The following HHATL variants were observed in gnomAD, a reference collection of about 807,000 sequenced individuals.
The protein encoded by HHATL is protein-cysteine N-palmitoyltransferase HHAT-like protein.
A neutral mutation model predicts 59.7 loss-of-function variants in HHATL; 49 were observed. The observed-to-expected ratio is 0.82, with a 90% CI of 0.65 to 1.04. The LOEUF (loss-of-function observed/expected upper bound fraction) is 1.04, where lower values mean the gene tolerates loss of function less well. HHATL is among the 50% of genes least tolerant of loss of function. HHATL has a pLI of 0.00. For synonymous variants in HHATL, 238 were observed against 257.3 expected (o/e 0.93, Z 0.72); for missense variants, 605 against 650.8 (o/e 0.93, Z 0.77).
In HHATL at chr3:42,701,028, C is replaced by T; in HGVS notation, c.-13-189G>A. 1.8e-6 allele frequency: 1 copy of T among 553,900 alleles called. No individual in the cohort carries two copies. Among genetic ancestry groups the T allele is most frequent in the Non-Finnish European group, 3.3e-6 (1 of 306,852 alleles). The allele number at this position is 553,900 out of a possible 1,614,324, so 34.3% of individuals were successfully genotyped here. A position where few individuals can be genotyped will look rare whatever the true frequency, so the allele number is the denominator to read the frequency against. On this transcript the variant is annotated intron_variant, in intron 1 of 11. Transcript: ENST00000441594. The surrounding 1 kb of genome is among the most constrained non-coding windows in gnomAD (Gnocchi z 5.1). ...TCACAGGCCACCGAACACCAGTGCC[C>T]CATCCCAGCTGCTGCTCTTGCCCCC...
rs1031989908 is a variant in HHATL at position 42,701,143 on chromosome 3, A to G, written c.-13-304T>C. ...TTACATCTTCATACCTTCCAGAGGC[A>G]CCGGCCCCACCCTCTGCCAAAACCG... On this transcript the variant is annotated intron_variant, in intron 1 of 11. Coordinates refer to ENST00000441594, the MANE Select transcript of HHATL (RefSeq NM_020707.4). The surrounding 1 kb of genome is among the most constrained non-coding windows in gnomAD (Gnocchi z 5.1). 5.7e-6 allele frequency: 2 copies of G among 348,562 alleles called. No individual in the cohort carries two copies. Among genetic ancestry groups the G allele is most frequent in the Non-Finnish European group, 1.1e-5 (2 of 186,630 alleles). 21.6% of individuals were successfully genotyped at this position (348,562 alleles called of 1,614,324 possible).
At position 42,701,182 on chromosome 3, in the gene HHATL, C is replaced by T. The variant is rs1270752879; in HGVS notation, c.-13-343G>A. On this transcript the variant is annotated intron_variant, in intron 1 of 11. Coordinates refer to ENST00000441594, the MANE Select transcript of HHATL (RefSeq NM_020707.4). The surrounding 1 kb of genome is among the most constrained non-coding windows in gnomAD (Gnocchi z 5.1). ...CTGCCAAAACCGCTCCTGCCAAGGC[C>T]CCCATGACCTGCGTGCGGAGAAACC... 3.8e-6 allele frequency: 1 copy of T among 266,080 alleles called. No homozygotes were observed. The highest frequency in any genetic ancestry group is 7.3e-6 in the Non-Finnish European group (1 of 137,398). 16.5% of individuals were successfully genotyped at this position (266,080 alleles called of 1,614,324 possible).
chr3:42,698,267 A>C lies in HHATL; in HGVS notation c.568T>G (p.Phe190Val), dbSNP rs767896596. The C allele has an allele frequency of 6.2e-7, 1 of 1,614,156 alleles. No homozygotes were observed. Among genetic ancestry groups the C allele is most frequent in the Non-Finnish European group, 8.5e-7 (1 of 1,180,022 alleles). The change falls in exon 6 of 12, where the codon TTT (phenylalanine) becomes GTT (valine). Residue 190 changes from phenylalanine (F) to valine (V), a missense_variant. Coordinates refer to ENST00000441594, the MANE Select transcript of HHATL (RefSeq NM_020707.4). ...GGGTGGGCACAGCTCTCCAGTGCAA[A>C]GCTGGTGCAACGCAGCACTGTGAAG... ...SSFTVLRCTS[F>V]ALESCAHPDR...
In HHATL at chr3:42,693,562, G is replaced by GCC. The variant is rs150364023; in HGVS notation, c.1248+53_1248+54dup. On this transcript the variant is annotated intron_variant, in intron 10 of 11. Transcript: ENST00000441594. ...TTGGACAACTCCAGAAAGCAGCAGT[G>GCC]CCCCCCCGCCCTCTATGACCCAGCC... 31 of 1,457,156 alleles carry GCC rather than the reference G, an allele frequency of 2.1e-5. No individual in the cohort carries two copies. The Middle Eastern group carries it at 6.0e-4, about 28-fold the overall frequency. The allele number at this position is 1,457,156 out of a possible 1,614,324, so 90.3% of individuals were successfully genotyped here.
chr3:42,694,735 G>C (rs1366313978), intron 9 of HHATL, among the ~76,000 whole-genome samples: 3 of 152,004 alleles, frequency 2.0e-5, no homozygotes, highest in Non-Finnish European at 4.4e-5. Context: ...CCCTCTACCT[G>C]GTATTCTCTG....
At position 42,701,846 on chromosome 3, in the gene HHATL, CTT is replaced by C. The variant is rs1348330612; in HGVS notation, c.-14+731_-14+732del. 4.6e-5 allele frequency among the ~76,000 whole-genome samples: 7 copies of C among 152,338 alleles called. No individual in the cohort carries two copies. The East Asian group carries it at 1.2e-3, about 25-fold the overall frequency. On this transcript the variant is annotated intron_variant, in intron 1 of 11. Transcript: ENST00000441594. This position sits in a 1 kb window ranked among gnomAD's most constrained non-coding sequence, Gnocchi z 5.1. ...AAGCAGGGAACATGTCCAGGCAACT[CTT>C]GGGCTGACGGGGCCAAGAGGTGGCT...
intron 5 of HHATL, among the ~76,000 whole-genome samples, 172 bp from the exon 6 acceptor site, chr3:42,698,523 G>T (rs1697759448): frequency 7.4e-6 from 1 of 135,058 alleles, no homozygotes; most frequent in Non-Finnish European, 1.6e-5. Flanking sequence ...GAGGAGCAGG[G>T]GATGATCTGG....
At position 42,693,120 on chromosome 3, in the gene HHATL, G is replaced by A; in HGVS notation, c.1347C>T (p.Ser449=). 1 of 1,614,192 alleles carries A rather than the reference G, an allele frequency of 6.2e-7. No individual in the cohort carries two copies. Among genetic ancestry groups the A allele is most frequent in the Non-Finnish European group, 8.5e-7 (1 of 1,180,026 alleles). Residue 449 remains serine, a synonymous_variant, in exon 11 of 12, where the codon AGC becomes AGT. Coordinates refer to ENST00000441594, the MANE Select transcript of HHATL (RefSeq NM_020707.4). The part of the protein sequence containing the change: ...IIMYNLVSLN[S]LKFTELVARR... ...GGGCAACCAGCTCTGTGAATTTGAG[G>A]CTGTTCAGGCTCACAAGGTTGTACA... is the stretch of plus-strand genomic sequence containing the variant.
chr3:42,693,208 G>A lies in HHATL; in HGVS notation c.1259C>T (p.Ser420Leu), dbSNP rs1437602759. Residue 420 changes from serine to leucine, a missense_variant, in exon 11 of 12, where the codon TCA becomes TTA. Ser to Leu is a moderately radical substitution (Grantham distance 145). Coordinates refer to ENST00000441594, the MANE Select transcript of HHATL (RefSeq NM_020707.4). ...CCGGACCCTACGGGACATCTGCACT[G>A]ACAGAGAGGCCTATCCGGTCCAGGA... ...GPLARIEASL[S>L]VQMSRRVRAL... 1 of 1,614,122 alleles carries A rather than the reference G, an allele frequency of 6.2e-7. No individual in the cohort carries two copies. The highest frequency in any genetic ancestry group is 8.5e-7 in the Non-Finnish European group (1 of 1,180,016).
Position 42,698,780 on chromosome 3 carries a change from C to T in HHATL, c.411G>A (p.Gln137=), listed in dbSNP as rs752601759. ...AGCCAAGGCCAAGACAGAGCCAGGG[C>T]TGGCCCAAAAGCGAGGCCACATAGA... is the stretch of plus-strand genomic sequence containing the variant. The part of the protein sequence containing the change: ...VGLYVASLLG[Q]PWLCLGLGLA... Residue 137 remains glutamine, a synonymous_variant, in exon 5 of 12, where the codon CAG becomes CAA. Coordinates refer to ENST00000441594, the MANE Select transcript of HHATL (RefSeq NM_020707.4). 6.2e-7 allele frequency: 1 copy of T among 1,612,560 alleles called. No individual in the cohort carries two copies. The highest frequency in any genetic ancestry group is 8.5e-7 in the Non-Finnish European group (1 of 1,179,490).
intron 6 of HHATL, 146 bp downstream of exon 6, chr3:42,697,996 G>T: frequency 1.1e-6 from 1 of 876,504 alleles, no homozygotes; most frequent in South Asian, 1.6e-5. Context: ...TGGGGTCTGA[G>T]GAGGGAGGGG....
intron 9 of HHATL, 62 bp downstream of exon 9, chr3:42,696,780 C>T (rs1697629292): frequency 1.9e-6 from 3 of 1,576,696 alleles, no homozygotes; most frequent in Non-Finnish European, 1.7e-6. Context: ...CCCATCTTGG[C>T]ACTGCCCTGC....
chr3:42,696,731 T>C, intron 9 of HHATL, 111 bp downstream of exon 9: 1 of 1,203,354 alleles, frequency 8.3e-7, no homozygotes, highest in Non-Finnish European at 1.2e-6. Flanking sequence ...CTGCCCTCTT[T>C]GCTTCCCCTG....
chr3:42,693,458 C>A (rs1697444325), intron 10 of HHATL, 159 bp downstream of exon 10: 3 of 763,826 alleles, frequency 3.9e-6, no homozygotes, highest in South Asian at 1.8e-5. Context: ...GAGGGAGGGG[C>A]AGATTCCTAC....
rs1266554913 is a variant in HHATL at position 42,693,066 on chromosome 3, C to T, written c.1390+11G>A. 15 of 1,614,002 alleles carry T rather than the reference C, an allele frequency of 9.3e-6. No homozygotes were observed. The highest frequency in any genetic ancestry group is 2.7e-5 in the African/African-American group (2 of 74,928). ...TGGCACCTTCTGTATCCCCACACCC[C>T]TGTCCCTCACCTGTGAGTAGCAGGC... On this transcript the variant is annotated intron_variant, in intron 11 of 11. Coordinates refer to ENST00000441594, the MANE Select transcript of HHATL (RefSeq NM_020707.4).
chr3:42,701,142 C>T lies in HHATL; in HGVS notation c.-13-303G>A, dbSNP rs746292133. The T allele has an allele frequency of 6.0e-5, 21 of 351,474 alleles. No individual in the cohort carries two copies. The highest frequency in any genetic ancestry group is 1.0e-4 in the Non-Finnish European group (19 of 188,318). 21.8% of individuals were successfully genotyped at this position (351,474 alleles called of 1,614,324 possible). On this transcript the variant is annotated intron_variant, in intron 1 of 11. Transcript: ENST00000441594. The surrounding 1 kb of genome is among the most constrained non-coding windows in gnomAD (Gnocchi z 5.1). ...TTTACATCTTCATACCTTCCAGAGGCACCGGCCCCACCCTCTGCCAAAACC... is the reference window on the plus strand; with the variant it reads ...TTTACATCTTCATACCTTCCAGAGGTACCGGCCCCACCCTCTGCCAAAACC...
At position 42,700,094 on chromosome 3, in the gene HHATL, G is replaced by GTA. The variant is rs1191193777; in HGVS notation, c.107-270_107-269insTA. On this transcript the variant is annotated intron_variant, in intron 2 of 11. Coordinates refer to ENST00000441594, the MANE Select transcript of HHATL (RefSeq NM_020707.4). ...GGTCCAGGTCTCTGTGTGTGTGTGT[G>GTA]TGTGTCGGGATGTGTGTGTGTGTAT... is the stretch of plus-strand genomic sequence containing the variant. Among the ~76,000 whole-genome samples the GTA allele has an allele frequency of 4.6e-5, 7 of 151,058 alleles. No individual in the cohort carries two copies. In the South Asian group the frequency reaches 1.5e-3, roughly 32 times the overall value.
At chr3:42,698,466 T>A in intron 5 of HHATL, 115 bp from the exon 6 acceptor site, 1 of 1,062,686 alleles carries the variant, frequency 9.4e-7, no homozygotes, top group Non-Finnish European at 1.4e-6. Context: ...TCCCTTCCTC[T>A]CTTCCAGAGC....
chr3:42,697,547 CG>C lies in HHATL; in HGVS notation c.825del (p.Ser275ArgfsTer17). 1 of 1,613,920 alleles carries C rather than the reference CG, an allele frequency of 6.2e-7. No individual in the cohort carries two copies. Reference protein sequence around the residue: ...FHFFYILTIPSDLKFANRLPD... With the variant: ...FHFFYILTIPXDLKFANRLPD... Reference sequence around the variant, plus strand: ...GGGAGGCGGTTGGCGAACTTGAGGTCGCTGGGGATAGTGAGGATGTAGAAGA... The same window carrying C: ...GGGAGGCGGTTGGCGAACTTGAGGTCCTGGGGATAGTGAGGATGTAGAAGA... On this transcript the variant is annotated frameshift_variant, in exon 7 of 12. Coordinates refer to ENST00000441594, the MANE Select transcript of HHATL (RefSeq NM_020707.4). LOFTEE classifies it high-confidence loss of function.
Sources: gnomAD v4.1 joint callset for allele counts (sites outside exome capture counted in the v4.1 genomes callset) on GRCh38, gnomAD v4.1.1 for gene constraint, Gnocchi (gnomAD v3.1) non-coding constraint, MANE v1.5 for transcripts, NCBI Gene and HGNC (gene_info 2026-07-23, HGNC 2026-07-21) for gene names.